CAMTA1: variants seen among roughly 807,000 people sequenced by gnomAD.
The protein encoded by CAMTA1 is calmodulin-binding transcription activator 1.
In CAMTA1, 27 loss-of-function variants were observed where a neutral mutation model predicts 170.9. The ratio of observed to expected loss-of-function variants is 0.16; its 90% confidence interval spans 0.12 to 0.22. The LOEUF (loss-of-function observed/expected upper bound fraction) is 0.22. CAMTA1 is among the 10% of genes least tolerant of loss of function. The pLI is 1.00. For missense variants in CAMTA1, 1,619 were observed against 2,217.2 expected (o/e 0.73, Z 5.42); for synonymous variants, 833 against 891.5 (o/e 0.93, Z 1.17).
chr1:7,271,016 C>G (rs1669712250), intron 5 of CAMTA1, among the ~76,000 whole-genome samples: 1 of 152,124 alleles, frequency 6.6e-6, no homozygotes, highest in Non-Finnish European at 1.5e-5. Context: ...CCAAAATCAT[C>G]CAGGGGAAAG....
chr1:7,299,606 C>T lies in CAMTA1; in HGVS notation c.438+49980C>T, dbSNP rs7515852. Among the ~76,000 whole-genome samples the T allele has an allele frequency of 6.6e-6, 1 of 152,188 alleles. No individual in the cohort carries two copies. Among genetic ancestry groups the T allele is most frequent in the African/African-American group, 2.4e-5 (1 of 41,450 alleles). ...TGTGTCTCAGGCTCCTGGAACCTTC[C>T]GATTAAGCCTCCACTTCCATCTCCT... On this transcript the variant is annotated intron_variant, in intron 5 of 22. Transcript: ENST00000303635. This position sits in a 1 kb window ranked among gnomAD's most constrained non-coding sequence, Gnocchi z 4.7.
chr1:7,621,810 C>T (rs1347917160), intron 6 of CAMTA1, among the ~76,000 whole-genome samples: 9 of 152,196 alleles, frequency 5.9e-5, no homozygotes, highest in Non-Finnish European at 1.0e-4. Flanking sequence ...GGGACCATTG[C>T]TTCCAAGAAG....
At chr1:7,416,022 T>G (rs1221717677) in intron 5 of CAMTA1, among the ~76,000 whole-genome samples, 3 of 152,204 alleles carry the variant, frequency 2.0e-5, no homozygotes, top group African/African-American at 7.2e-5. Context: ...CTTATGAAGC[T>G]TAGTTTGGCT....
intron 12 of CAMTA1, among the ~76,000 whole-genome samples, chr1:7,734,144 C>G (rs538178238): frequency 1.2e-3 from 175 of 152,146 alleles, no homozygotes; most frequent in Non-Finnish European, 4.6e-4. Context: ...ACGGGGTTTC[C>G]CCACCTTGGT....
chr1:7,001,847 C>T (rs1256160901), intron 3 of CAMTA1, among the ~76,000 whole-genome samples: 2 of 151,772 alleles, frequency 1.3e-5, no homozygotes, highest in East Asian at 1.9e-4. Flanking sequence ...ATGCCTTCTG[C>T]GTTTGCACTT....
chr1:7,153,425 G>A (rs1210099684), intron 4 of CAMTA1, among the ~76,000 whole-genome samples: 1 of 152,060 alleles, frequency 6.6e-6, no homozygotes, highest in Non-Finnish European at 1.5e-5. Flanking sequence ...GTTATTTGAG[G>A]GGGAAAAGGA....
intron 6 of CAMTA1, among the ~76,000 whole-genome samples, chr1:7,631,188 C>T (rs1427986700): frequency 6.6e-6 from 1 of 152,200 alleles, no homozygotes; most frequent in Admixed American, 6.5e-5. Context: ...AGCCTTCCAG[C>T]CACATCCTTG....
chr1:7,717,838 A>G lies in CAMTA1; in HGVS notation c.2915-14610A>G, dbSNP rs551194383. ...AAAAAGCCCATCATAGAAATGACTC[A>G]TGGAAACAAATATTTGTTCTACATG... On this transcript the variant is annotated intron_variant, in intron 11 of 22. Coordinates refer to ENST00000303635, the MANE Select transcript of CAMTA1 (RefSeq NM_015215.4). Among the ~76,000 whole-genome samples, 6 of 152,336 alleles carry G rather than the reference A, an allele frequency of 3.9e-5. No homozygotes were observed. The South Asian group carries it at 1.0e-3, about 26-fold the overall frequency.
intron 1 of CAMTA1, among the ~76,000 whole-genome samples, chr1:6,789,870 G>T (rs1437289060): frequency 7.0e-6 from 1 of 143,640 alleles, no homozygotes; most frequent in African/African-American, 2.6e-5. Context: ...GAGTGCAGTG[G>T]CACGATCTCG....
At chr1:7,488,421 G>T (rs1047342834) in intron 6 of CAMTA1, among the ~76,000 whole-genome samples, 1 of 152,072 alleles carries the variant, frequency 6.6e-6, no homozygotes, top group Admixed American at 6.5e-5. Flanking sequence ...GGAGCAAAGG[G>T]ACCCTGAGAG....
chr1:7,217,175 G>A (rs1659887774), intron 4 of CAMTA1, among the ~76,000 whole-genome samples: 1 of 152,158 alleles, frequency 6.6e-6, no homozygotes, highest in African/African-American at 2.4e-5. Context: ...TTTCATGATA[G>A]TGAGTCCTCA....
At chr1:7,134,951 CATG>C (rs996327852) in intron 4 of CAMTA1, among the ~76,000 whole-genome samples, 94 of 152,190 alleles carry the variant, frequency 6.2e-4, no homozygotes, top group African/African-American at 2.2e-3. Context: ...GGGCAAGCGA[CATG>C]ATGAGACACT....
At chr1:7,379,747 CT>C (rs1314684591) in intron 5 of CAMTA1, among the ~76,000 whole-genome samples, 1 of 152,238 alleles carries the variant, frequency 6.6e-6, no homozygotes, top group African/African-American at 2.4e-5. Context: ...CCTTCACTGT[CT>C]TTGTTTCTGA....
At chr1:7,151,817 C>G (rs532292798) in intron 4 of CAMTA1, among the ~76,000 whole-genome samples, 1 of 152,176 alleles carries the variant, frequency 6.6e-6, no homozygotes, top group Admixed American at 6.5e-5. Flanking sequence ...GTGCATACTC[C>G]GTTTGTATTT....
At chr1:6,933,973 A>T (rs1417772017) in intron 3 of CAMTA1, among the ~76,000 whole-genome samples, 3 of 152,068 alleles carry the variant, frequency 2.0e-5, no homozygotes, top group Non-Finnish European at 2.9e-5. Flanking sequence ...TTGCATTTCC[A>T]TATGGATTTT....
intron 5 of CAMTA1, among the ~76,000 whole-genome samples, chr1:7,253,220 A>T (rs913321698): frequency 3.3e-5 from 5 of 152,138 alleles, no homozygotes; most frequent in Non-Finnish European, 7.4e-5. Context: ...GAGCTTTGGG[A>T]GTGGGAGACT....
intron 6 of CAMTA1, among the ~76,000 whole-genome samples, chr1:7,541,376 T>A (rs1035631747): frequency 6.6e-6 from 1 of 152,210 alleles, no homozygotes; most frequent in Admixed American, 6.5e-5. Flanking sequence ...TAATTATTGA[T>A]GGGAACTGGA....
Position 6,966,103 on chromosome 1 carries a change from C to T in CAMTA1, c.235-125201C>T, listed in dbSNP as rs549874443. On this transcript the variant is annotated intron_variant, in intron 3 of 22. Coordinates refer to ENST00000303635, the MANE Select transcript of CAMTA1 (RefSeq NM_015215.4). ...GGCCAGGTGCCTGTCACAGGCTGAC[C>T]TAGATGAGACTGCCACTCTCAGATT... 3.3e-5 allele frequency among the ~76,000 whole-genome samples: 5 copies of T among 152,216 alleles called. No individual in the cohort carries two copies. In the East Asian group the frequency reaches 9.6e-4, roughly 29 times the overall value.
chr1:6,790,109 G>A (rs376586551), intron 1 of CAMTA1, among the ~76,000 whole-genome samples: 2 of 152,154 alleles, frequency 1.3e-5, no homozygotes, highest in Middle Eastern at 3.4e-3. Context: ...GATTACAGGC[G>A]CAAGCTGCCA....
Sources: gnomAD v4.1 joint callset for allele counts (sites outside exome capture counted in the v4.1 genomes callset) on GRCh38, gnomAD v4.1.1 for gene constraint, Gnocchi (gnomAD v3.1) non-coding constraint, MANE v1.5 for transcripts, NCBI Gene and HGNC (gene_info 2026-07-23, HGNC 2026-07-21) for gene names.